Variants in MYRIP observed in about 807,000 individuals in gnomAD.
MYRIP encodes the protein myosin VIIA and Rab interacting protein, also known as rab effector MyRIP.
In MYRIP, 49 loss-of-function variants were observed where a neutral mutation model predicts 98.0. The ratio of observed to expected loss-of-function variants is 0.50; its 90% confidence interval spans 0.40 to 0.63. MYRIP has a LOEUF of 0.63. Among genes scored for constraint, MYRIP ranks in the 30% least tolerant of loss-of-function variants. The probability of loss-of-function intolerance (pLI) is 0.00; values close to 1 mark genes in which losing one functional copy is unlikely to be tolerated. For missense variants in MYRIP, 1,004 were observed against 1,058.2 expected (o/e 0.95, Z 0.71); for synonymous variants, 404 against 409.5 (o/e 0.99, Z 0.16).
At chr3:40,036,324 A>AAAAAAAAAAAAAAAAAAAAAAAAAAAC (rs1553607293) in intron 2 of MYRIP, among the ~76,000 whole-genome samples, 2 of 125,626 alleles carry the variant, frequency 1.6e-5, no homozygotes, top group Non-Finnish European at 1.7e-5. Context: ...AAAAAAAAAA[A>AAAAAAAAAAAAAAAAAAAAAAAAAAAC]CTTTATTCAA....
chr3:40,018,620 C>T (rs1193794681), intron 2 of MYRIP, among the ~76,000 whole-genome samples: 1 of 152,132 alleles, frequency 6.6e-6, no homozygotes, highest in African/African-American at 2.4e-5. Context: ...CTCATGCCCA[C>T]ATCACCCTTC....
At chr3:40,034,849 T>C (rs1419395203) in intron 2 of MYRIP, among the ~76,000 whole-genome samples, 1 of 151,216 alleles carries the variant, frequency 6.6e-6, no homozygotes, top group Non-Finnish European at 1.5e-5. Context: ...ATAGAGTGGA[T>C]TAAGAAAATG....
chr3:39,830,565 C>T (rs918214564), intron 1 of MYRIP, among the ~76,000 whole-genome samples: 6 of 152,312 alleles, frequency 3.9e-5, no homozygotes, highest in Admixed American at 2.6e-4. Context: ...CCACTGTCTG[C>T]TCACCTGCCA....
chr3:40,253,625 A>G (rs1953468157), intron 16 of MYRIP, among the ~76,000 whole-genome samples: 1 of 152,166 alleles, frequency 6.6e-6, no homozygotes, highest in Non-Finnish European at 1.5e-5. Context: ...ATACACATTG[A>G]CCCAATAATT....
chr3:39,900,650 T>A, intron 1 of MYRIP, 137 bp from the exon 2 acceptor site: 1 of 483,828 alleles, frequency 2.1e-6, no homozygotes, highest in Non-Finnish European at 3.6e-6. Context: ...ATTTGCTGAG[T>A]CTGAGTCAAG....
chr3:39,877,691 G>C (rs544203915), intron 1 of MYRIP, among the ~76,000 whole-genome samples: 5 of 152,068 alleles, frequency 3.3e-5, no homozygotes, highest in African/African-American at 9.7e-5. Flanking sequence ...CTGTCTGATC[G>C]TTCCTCTGGA....
intron 12 of MYRIP, among the ~76,000 whole-genome samples, chr3:40,239,468 T>C (rs151298355): frequency 0.12 from 15,684 of 127,262 alleles, 2,183 homozygotes; most frequent in African/African-American, 0.38. Flanking sequence ...TTCTAGATCC[T>C]TGAGGAATCG....
At chr3:40,032,906 T>G (rs1048351193) in intron 2 of MYRIP, among the ~76,000 whole-genome samples, 5 of 152,168 alleles carry the variant, frequency 3.3e-5, no homozygotes, top group African/African-American at 1.2e-4. Flanking sequence ...GATGCAAGGC[T>G]GGTTCAATAT....
At chr3:40,222,054 G>A (rs965782115) in intron 11 of MYRIP, among the ~76,000 whole-genome samples, 2 of 152,134 alleles carry the variant, frequency 1.3e-5, no homozygotes, top group African/African-American at 4.8e-5. Flanking sequence ...GTTTTGCCCA[G>A]GAAAGAATTC....
intron 11 of MYRIP, among the ~76,000 whole-genome samples, chr3:40,216,948 G>A (rs991498371): frequency 7.9e-5 from 12 of 152,102 alleles, no homozygotes; most frequent in Admixed American, 2.0e-4. Flanking sequence ...ATATACATAC[G>A]TGTAAAAAAT....
intron 2 of MYRIP, among the ~76,000 whole-genome samples, chr3:39,961,765 A>T (rs1474111320): frequency 2.6e-5 from 4 of 152,098 alleles, no homozygotes; most frequent in Non-Finnish European, 5.9e-5. Context: ...CCTCAACAAG[A>T]TACATTTTCC....
At chr3:40,037,741 A>G (rs1037209723) in intron 2 of MYRIP, among the ~76,000 whole-genome samples, 6 of 152,070 alleles carry the variant, frequency 3.9e-5, no homozygotes, top group Non-Finnish European at 7.4e-5. Flanking sequence ...TCACATGTGA[A>G]ATGTAGATTT....
chr3:39,966,042 C>T (rs1575420168), intron 2 of MYRIP, among the ~76,000 whole-genome samples: 2 of 152,038 alleles, frequency 1.3e-5, no homozygotes, highest in Admixed American at 1.3e-4. Flanking sequence ...GGGTGGCTGC[C>T]CCTGAGCTTC....
intron 3 of MYRIP, among the ~76,000 whole-genome samples, chr3:40,053,123 C>G (rs747794150): frequency 6.6e-6 from 1 of 152,098 alleles, no homozygotes; most frequent in Non-Finnish European, 1.5e-5. Flanking sequence ...AGGACTTGCT[C>G]CCTTCTCTCT....
intron 2 of MYRIP, among the ~76,000 whole-genome samples, chr3:40,016,290 C>T (rs1375636613): frequency 2.0e-5 from 3 of 152,086 alleles, no homozygotes; most frequent in Non-Finnish European, 4.4e-5. Context: ...GCTGTTGGTG[C>T]CTCATCCAGA....
chr3:40,211,619 A>G (rs1245030876), intron 11 of MYRIP, among the ~76,000 whole-genome samples: 4 of 152,202 alleles, frequency 2.6e-5, no homozygotes, highest in Non-Finnish European at 5.9e-5. Context: ...ATGCTGCATT[A>G]CAGTCAGATT....
At chr3:40,059,578 C>T (rs147847901) in intron 3 of MYRIP, among the ~76,000 whole-genome samples, 28 of 152,116 alleles carry the variant, frequency 1.8e-4, no homozygotes, top group African/African-American at 6.7e-4. Context: ...GTATAAATGT[C>T]TTTCTTTGTT....
At chr3:39,917,973 C>T (rs551251877) in intron 2 of MYRIP, among the ~76,000 whole-genome samples, 6 of 150,986 alleles carry the variant, frequency 4.0e-5, no homozygotes, top group Non-Finnish European at 8.8e-5. Context: ...GTCGCCCAGG[C>T]TGGAGTGCAG....
At chr3:40,048,039 C>T (rs1296566343) in intron 3 of MYRIP, among the ~76,000 whole-genome samples, 2 of 152,188 alleles carry the variant, frequency 1.3e-5, no homozygotes, top group Non-Finnish European at 1.5e-5. Flanking sequence ...CAATCTGAAA[C>T]TCCCTTCTTG....
Sources: gnomAD v4.1 joint callset for allele counts (sites outside exome capture counted in the v4.1 genomes callset) on GRCh38, gnomAD v4.1.1 for gene constraint, MANE v1.5 for transcripts, NCBI Gene and HGNC (gene_info 2026-07-23, HGNC 2026-07-21) for gene names.